Variants in BCLAF3 observed in about 807,000 individuals in gnomAD.
BCLAF3 encodes the protein transient octamer binding factor 1.
A neutral mutation model predicts 51.2 loss-of-function variants in BCLAF3; 24 were observed. The ratio of observed to expected loss-of-function variants is 0.47; its 90% CI spans 0.34 to 0.66. BCLAF3 has a LOEUF of 0.66. BCLAF3 is among the 30% of genes least tolerant of loss of function. The pLI is 0.01. For synonymous variants in BCLAF3, 152 were observed against 176.6 expected, an observed-to-expected ratio of 0.86 and a Z score of 1.10; for missense variants, 465 against 525.1, an observed-to-expected ratio of 0.89 and a Z score of 1.12.
chrX:19,979,011 G>C (rs1373810474), intron 1 of BCLAF3, among the ~76,000 whole-genome samples: 1 of 111,366 alleles, frequency 9.0e-6, no homozygotes, highest in Non-Finnish European at 1.9e-5. Context: ...TGTAATCTCA[G>C]CCCTTTGGAA....
Position 19,917,268 on chromosome X carries a change from C to T in BCLAF3, c.*37G>A. The stretch of plus-strand genomic sequence containing the variant: ...AAAAGAGAGAGATGCTCCCAAACAT[C>T]CTCCTGTAGCGTCATTTCCATTTGT... On this transcript the variant is annotated 3_prime_UTR_variant, in exon 12 of 12. Transcript: ENST00000379682. 1.7e-6 allele frequency: 2 copies of T among 1,173,518 alleles called. No individual in the cohort carries two copies. The highest frequency in any genetic ancestry group is 2.3e-6 in the Non-Finnish European group (2 of 862,979).
rs182944667 is a variant in BCLAF3 at position 19,969,476 on chromosome X, C to T, written c.41+748G>A. Reference sequence around the variant, plus strand: ...ACTCTTTCTGCCTTTAGAAGTTCTACACATCCTGAAACGCCCAGATAAAAT... The same window carrying T: ...ACTCTTTCTGCCTTTAGAAGTTCTATACATCCTGAAACGCCCAGATAAAAT... On this transcript the variant is annotated intron_variant, in intron 2 of 11. Coordinates refer to ENST00000379682, the MANE Select transcript of BCLAF3 (RefSeq NM_001367774.2). Among the ~76,000 whole-genome samples, 200 of 112,489 alleles carry T rather than the reference C, an allele frequency of 1.8e-3. 1 individual carries two copies. The highest frequency in any genetic ancestry group is 9.2e-3 in the Middle Eastern group (2 of 218).
At position 19,914,710 on chromosome X, in the gene BCLAF3, A is replaced by G. The variant is rs759551054; in HGVS notation, c.*2595T>C. ...TCAAATTGAAATTTATGTTGAAGTA[A>G]CTCTAGATTCACATGCAGCTATAAA... On this transcript the variant is annotated 3_prime_UTR_variant, in exon 12 of 12. Transcript: ENST00000379682. The G allele has an allele frequency of 9.0e-6, 1 of 111,390 alleles. No individual in the cohort carries two copies. Among genetic ancestry groups the G allele is most frequent in the South Asian group, 3.7e-4 (1 of 2,690 alleles). The allele number at this position is 111,390 out of a possible 1,213,427, so 9.2% of individuals were successfully genotyped here.
chrX:19,968,937 C>T (rs978549619), intron 2 of BCLAF3, among the ~76,000 whole-genome samples: 3 of 110,972 alleles, frequency 2.7e-5, no homozygotes, highest in African/African-American at 9.8e-5. Context: ...CAGAGTGAAA[C>T]CCTGTCTCTA....
intron 11 of BCLAF3, among the ~76,000 whole-genome samples, chrX:19,925,768 C>G (rs979490860): frequency 9.0e-6 from 1 of 111,376 alleles, no homozygotes; most frequent in African/African-American, 3.3e-5. Flanking sequence ...TTTGAAGGCA[C>G]GAAGGCCTGA....
chrX:19,947,438 G>C (rs985988275), intron 8 of BCLAF3, among the ~76,000 whole-genome samples: 1 of 111,439 alleles, frequency 9.0e-6, no homozygotes, highest in African/African-American at 3.3e-5. Flanking sequence ...AGAAAACATG[G>C]AGACATCAGA....
chrX:19,912,875 A>C lies in BCLAF3; in HGVS notation c.*4430T>G, dbSNP rs1293457780. On this transcript the variant is annotated 3_prime_UTR_variant, in exon 12 of 12. Transcript: ENST00000379682. ...CTTACCACTGTTTTAAAAAAGAAAG[A>C]CTTTATTTTATAAAAATGATACAAC... The C allele has an allele frequency of 9.0e-6, 1 of 110,709 alleles. No homozygotes were observed. Among genetic ancestry groups the C allele is most frequent in the Non-Finnish European group, 1.9e-5 (1 of 52,992 alleles). 9.1% of individuals were successfully genotyped at this position (110,709 alleles called of 1,213,427 possible). A position where few individuals can be genotyped will look rare whatever the true frequency, so the allele number is the denominator to read the frequency against.
At chrX:19,938,485 T>A (rs1442333132) in intron 8 of BCLAF3, among the ~76,000 whole-genome samples, 1 of 112,264 alleles carries the variant, frequency 8.9e-6, no homozygotes, top group African/African-American at 3.2e-5. Context: ...AACCTGCACC[T>A]CCTGAGTTCA....
At chrX:19,951,747 G>A (rs1191900565) in intron 7 of BCLAF3, among the ~76,000 whole-genome samples, 2 of 110,054 alleles carry the variant, frequency 1.8e-5, no homozygotes, top group African/African-American at 6.7e-5. Context: ...GGGCAACATG[G>A]AAAAACCCTG....
chrX:19,985,624 A>C (rs2072774039), intron 1 of BCLAF3, among the ~76,000 whole-genome samples: 1 of 111,667 alleles, frequency 9.0e-6, no homozygotes, highest in Non-Finnish European at 1.9e-5. Context: ...ATAAACCAAA[A>C]GAAAGGACAT....
chrX:19,921,183 T>C (rs924127267), intron 11 of BCLAF3, among the ~76,000 whole-genome samples: 26 of 111,632 alleles, frequency 2.3e-4, no homozygotes, highest in African/African-American at 8.5e-4. Context: ...TTGGAAGGTG[T>C]TTGTGCAAGA....
At position 19,974,939 on chromosome X, in the gene BCLAF3, T is replaced by C. The variant is rs771276315; in HGVS notation, c.-34-4641A>G. On this transcript the variant is annotated intron_variant, in intron 1 of 11. Coordinates refer to ENST00000379682, the MANE Select transcript of BCLAF3 (RefSeq NM_001367774.2). ...ATTCATTCAAAGATGGTGAATTTTA[T>C]TGCATATAAATTATACCTCAAAGCT... 2.7e-5 allele frequency among the ~76,000 whole-genome samples: 3 copies of C among 112,028 alleles called. No homozygotes were observed. In the South Asian group the frequency reaches 1.1e-3, roughly 41 times the overall value.
intron 11 of BCLAF3, among the ~76,000 whole-genome samples, chrX:19,919,847 A>T (rs1383013891): frequency 1.1e-5 from 1 of 89,841 alleles, no homozygotes; most frequent in African/African-American, 4.4e-5. Context: ...ACAGAGTGAG[A>T]CTTCGTCTCA....
Position 19,953,061 on chromosome X carries a change from TA to T in BCLAF3, c.1566-11del, listed in dbSNP as rs1569505605. 3.4e-6 allele frequency: 4 copies of T among 1,169,350 alleles called. No individual in the cohort carries two copies. Among genetic ancestry groups the T allele is most frequent in the Non-Finnish European group, 4.7e-6 (4 of 859,697 alleles). On this transcript the variant is annotated splice_polypyrimidine_tract_variant and intron_variant, in intron 6 of 11. Transcript: ENST00000379682. ...AGACATATCTATTCTCCTAAAATAA[TA>T]AAGGCATAGTACAACTAAATAATTA...
intron 11 of BCLAF3, among the ~76,000 whole-genome samples, chrX:19,925,122 A>G (rs1223557535): frequency 1.8e-5 from 2 of 111,681 alleles, no homozygotes; most frequent in Non-Finnish European, 3.8e-5. Context: ...CTTTGTAGGC[A>G]GCTGGAGAGC....
At chrX:19,965,745 GAAGA>G in intron 3 of BCLAF3, 39 bp from the exon 4 acceptor site, 3 of 1,079,706 alleles carry the variant, frequency 2.8e-6, no homozygotes, top group Non-Finnish European at 3.7e-6. Context: ...GCAATAGAGA[GAAGA>G]AAGGGAGAAT....
intron 8 of BCLAF3, among the ~76,000 whole-genome samples, chrX:19,939,235 A>C (rs2070900067): frequency 8.9e-6 from 1 of 112,222 alleles, no homozygotes; most frequent in Admixed American, 9.5e-5. Flanking sequence ...GTCATCTCTG[A>C]CTGGTAAAAT....
chrX:19,988,185 G>A (rs1343615461), intron 1 of BCLAF3, among the ~76,000 whole-genome samples: 1 of 112,232 alleles, frequency 8.9e-6, no homozygotes, highest in Non-Finnish European at 1.9e-5. Context: ...TTTATCATGA[G>A]CCCAAGTACT....
chrX:19,938,065 G>A (rs768928539), intron 8 of BCLAF3, among the ~76,000 whole-genome samples: 9 of 111,085 alleles, frequency 8.1e-5, no homozygotes, highest in South Asian at 3.8e-4. Flanking sequence ...CCTCTCTCCC[G>A]TCATCATGAG....
Sources: gnomAD v4.1 joint callset for allele counts (sites outside exome capture counted in the v4.1 genomes callset) on GRCh38, gnomAD v4.1.1 for gene constraint, MANE v1.5 for transcripts, NCBI Gene and HGNC (gene_info 2026-07-23, HGNC 2026-07-21) for gene names.